The following DTNA variants were observed in gnomAD, a reference collection of about 807,000 sequenced individuals.
DTNA encodes the protein dystrobrevin alpha, also known as dystrophin-related protein 3.
In DTNA, 43 loss-of-function variants were observed where a neutral mutation model predicts 100.7. The ratio of observed to expected loss-of-function variants is 0.43; its 90% CI spans 0.33 to 0.55. The LOEUF (loss-of-function observed/expected upper bound fraction) is 0.55. DTNA is among the 20% of genes least tolerant of loss of function. The pLI is 0.04. For missense variants in DTNA, 798 were observed against 953.9 expected (o/e 0.84, Z 2.15); for synonymous variants, 349 against 347.9 (o/e 1.00, Z -0.04).
At chr18:34,650,800 T>C (rs1321805188) in intron 1 of DTNA, among the ~76,000 whole-genome samples, 1 of 152,224 alleles carries the variant, frequency 6.6e-6, no homozygotes, top group Non-Finnish European at 1.5e-5. Context: ...AGGATATGTG[T>C]TAATACAGAA....
At position 34,714,819 on chromosome 18, in the gene DTNA, A is replaced by C. The variant is rs1200031202; in HGVS notation, c.-2+4374A>C. On this transcript the variant is annotated intron_variant, in intron 1 of 22. Transcript: ENST00000444659. Reference sequence around the variant, plus strand: ...CTTGGAACCAAGCCAAACGTCCAACAATGATAGACTGGATTAAGAAAATGT... The same window carrying C: ...CTTGGAACCAAGCCAAACGTCCAACCATGATAGACTGGATTAAGAAAATGT... Among the ~76,000 whole-genome samples the C allele has an allele frequency of 2.0e-5, 3 of 152,144 alleles. No individual in the cohort carries two copies. The East Asian group carries it at 5.8e-4, about 29-fold the overall frequency.
upstream of DTNA, among the ~76,000 whole-genome samples, chr18:34,707,147 T>C (rs1050829873): frequency 6.6e-6 from 1 of 152,176 alleles, no homozygotes; most frequent in Admixed American, 6.5e-5. Flanking sequence ...TGAGCCCATG[T>C]TGTTACCTTG....
intron 1 of DTNA, among the ~76,000 whole-genome samples, chr18:34,669,312 ATG>A (rs1436042840): frequency 6.6e-5 from 10 of 151,988 alleles, no homozygotes; most frequent in Non-Finnish European, 1.0e-4. Flanking sequence ...TTTTGAGCCT[ATG>A]TGTGTCTCTG....
Position 34,676,610 on chromosome 18 carries a change from G to A in DTNA, c.-1-79366G>A, listed in dbSNP as rs181157214. 7.9e-5 allele frequency among the ~76,000 whole-genome samples: 12 copies of A among 152,222 alleles called. No homozygotes were observed. In the East Asian group the frequency reaches 1.7e-3, roughly 22 times the overall value. ...AGCATGTTGGGAGGCTGAGGCAGGCGGATTGTTTGAGCTCAGATGTTCGAG... is the reference window on the plus strand; with the variant it reads ...AGCATGTTGGGAGGCTGAGGCAGGCAGATTGTTTGAGCTCAGATGTTCGAG... On this transcript the variant is annotated intron_variant, in intron 1 of 19. Transcript: ENST00000283365.
Position 34,820,687 on chromosome 18 carries a change from G to A in DTNA, c.877-104G>A. The A allele has an allele frequency of 3.2e-6, 5 of 1,561,976 alleles. No homozygotes were observed. In the South Asian group the frequency reaches 4.6e-5, roughly 14 times the overall value. ...CAGACTCAGAATCAGCACTGAAAAA[G>A]GATTTCTTCCGTAAATGAATATCTA... On this transcript the variant is annotated intron_variant, in intron 8 of 22. Coordinates refer to ENST00000444659, the MANE Select transcript of DTNA (RefSeq NM_001386795.1).
chr18:34,865,488 G>A (rs544711378), intron 17 of DTNA, among the ~76,000 whole-genome samples: 53 of 151,776 alleles, frequency 3.5e-4, no homozygotes, highest in Non-Finnish European at 5.6e-4. Flanking sequence ...ATTGGTATTG[G>A]GAATACTTTA....
chr18:34,730,876 T>C (rs1286204250), intron 1 of DTNA, among the ~76,000 whole-genome samples: 1 of 152,102 alleles, frequency 6.6e-6, no homozygotes, highest in African/African-American at 2.4e-5. Context: ...TCACTGAAGG[T>C]TTGGGGTTGG....
intron 1 of DTNA, among the ~76,000 whole-genome samples, chr18:34,644,403 A>C (rs1159843596): frequency 1.3e-5 from 2 of 152,168 alleles, no homozygotes; most frequent in East Asian, 3.8e-4. Context: ...CATAGCAGCT[A>C]GTAAAATAAC....
intron 1 of DTNA, among the ~76,000 whole-genome samples, chr18:34,580,052 A>G (rs1358886233): frequency 1.3e-5 from 2 of 151,798 alleles, no homozygotes; most frequent in Admixed American, 6.6e-5. Context: ...TTTTATTGAC[A>G]TGTCTCAAAT....
chr18:34,741,740 A>T (rs534974420), intron 1 of DTNA, among the ~76,000 whole-genome samples: 1 of 151,982 alleles, frequency 6.6e-6, no homozygotes, highest in African/African-American at 2.4e-5. Flanking sequence ...ACTAATATTT[A>T]TATCTGATAT....
At chr18:34,646,658 CT>C (rs2059870802) in intron 1 of DTNA, among the ~76,000 whole-genome samples, 1 of 152,166 alleles carries the variant, frequency 6.6e-6, no homozygotes, top group Non-Finnish European at 1.5e-5. Flanking sequence ...ATTTATTCTT[CT>C]TTACAAATCT....
chr18:34,656,167 AAGTTAT>A (rs1464446681), intron 1 of DTNA, among the ~76,000 whole-genome samples: 1 of 152,212 alleles, frequency 6.6e-6, no homozygotes, highest in Admixed American at 6.5e-5. Context: ...CCCTTTTATA[AAGTTAT>A]AGTTATAAGT....
intron 1 of DTNA, among the ~76,000 whole-genome samples, chr18:34,562,690 G>T (rs1369195620): frequency 6.6e-6 from 1 of 152,176 alleles, no homozygotes; most frequent in African/African-American, 2.4e-5. Flanking sequence ...AGCATCACCA[G>T]GGGCTTGTTA....
chr18:34,867,247 C>G, intron 17 of DTNA: 1 of 1,231,310 alleles, frequency 8.1e-7, no homozygotes, highest in Non-Finnish European at 1.0e-6. Flanking sequence ...AAATGCTGGA[C>G]ACATTTTTAC....
intron 3 of DTNA, among the ~76,000 whole-genome samples, chr18:34,769,161 C>T (rs895787984): frequency 2.0e-5 from 3 of 152,164 alleles, no homozygotes; most frequent in Non-Finnish European, 4.4e-5. Flanking sequence ...TTTCTACCTT[C>T]ATCAGAGGCA....
At chr18:34,540,400 T>C (rs1301328719) in intron 1 of DTNA, among the ~76,000 whole-genome samples, 1 of 152,018 alleles carries the variant, frequency 6.6e-6, no homozygotes, top group Non-Finnish European at 1.5e-5. Context: ...CAAAGAAACA[T>C]ATCATTTATA....
At chr18:34,771,264 C>A (rs2093753283) in intron 3 of DTNA, among the ~76,000 whole-genome samples, 1 of 152,086 alleles carries the variant, frequency 6.6e-6, no homozygotes, top group South Asian at 2.1e-4. Context: ...CTTTGGGAGG[C>A]CGAGGCGGGC....
chr18:34,620,732 A>G (rs919253322), intron 1 of DTNA, among the ~76,000 whole-genome samples: 3 of 152,264 alleles, frequency 2.0e-5, no homozygotes, highest in South Asian at 4.1e-4. Context: ...ATCTCATGAG[A>G]ACAGCACAAC....
chr18:34,665,348 C>T (rs1007858163), intron 1 of DTNA, among the ~76,000 whole-genome samples: 2 of 152,096 alleles, frequency 1.3e-5, no homozygotes, highest in African/African-American at 4.8e-5. Flanking sequence ...ATAACTGCTA[C>T]ATTTGTATAC....
Sources: allele counts gnomAD v4.1 joint callset (sites outside exome capture counted in the v4.1 genomes callset), GRCh38; gene constraint gnomAD v4.1.1; transcripts MANE v1.5; gene names NCBI Gene and HGNC (gene_info 2026-07-23, HGNC 2026-07-21).